NSMCE4A: variants seen among roughly 807,000 people sequenced by gnomAD.
NSMCE4A encodes the protein NSE4A component of SMC5/6 complex, also known as non-structural maintenance of chromosomes element 4 homolog A.
NSMCE4A carries 40 observed loss-of-function variants against 47.9 expected under a neutral mutation model. The observed-to-expected ratio is 0.83, with a 90% CI of 0.65 to 1.09. The LOEUF is 1.09. Among genes scored for constraint, NSMCE4A ranks in the 50% least tolerant of loss-of-function variants. NSMCE4A has a pLI of 0.00. For missense variants in NSMCE4A, 500 were observed against 507.0 expected (o/e 0.99, Z 0.13); for synonymous variants, 166 against 178.5 (o/e 0.93, Z 0.56).
In NSMCE4A at chr10:121,965,339, C is replaced by A. The variant is rs747294176; in HGVS notation, c.700G>T (p.Asp234Tyr). The A allele has an allele frequency of 1.2e-6, 2 of 1,613,888 alleles. No individual in the cohort carries two copies. The highest frequency in any genetic ancestry group is 1.7e-6 in the Non-Finnish European group (2 of 1,179,934). The change falls in exon 5 of 11, where the codon GAT becomes TAT. Residue 234 changes from aspartate (D) to tyrosine (Y), a missense_variant. Physicochemically the swap from Asp to Tyr is radical, Grantham distance 160. Coordinates refer to ENST00000369023, the MANE Select transcript of NSMCE4A (RefSeq NM_017615.3). ...GECPVPKPRV[D>Y]RPRKVPVIQE... ...ATCACAGGAACTTTTCTTGGACGAT[C>A]AACTCGTGGCTTTGGCACAGGGCAC... is the stretch of plus-strand genomic sequence containing the variant.
intron 5 of NSMCE4A, among the ~76,000 whole-genome samples, chr10:121,964,791 T>G (rs561390300): frequency 6.2e-4 from 95 of 152,340 alleles, no homozygotes; most frequent in Non-Finnish European, 1.1e-3. Context: ...ATTACCAGAT[T>G]AACCATTTTC....
chr10:121,958,638 T>C (rs12248806), intron 10 of NSMCE4A, among the ~76,000 whole-genome samples: 20,232 of 152,146 alleles, frequency 0.13, 1,568 homozygotes, highest in Middle Eastern at 0.18. Context: ...CAGCTGGGTA[T>C]GGTGACTCAT....
intron 2 of NSMCE4A, among the ~76,000 whole-genome samples, chr10:121,973,498 A>T (rs957370630): frequency 1.3e-5 from 2 of 150,966 alleles, no homozygotes; most frequent in African/African-American, 2.4e-5. Context: ...GATCTCTCTC[A>T]CTCACTCACT....
At chr10:121,970,254 C>T (rs1423970118) in intron 3 of NSMCE4A, among the ~76,000 whole-genome samples, 2 of 151,658 alleles carry the variant, frequency 1.3e-5, no homozygotes, top group Non-Finnish European at 2.9e-5. Flanking sequence ...GGGCAGATCA[C>T]GAGATCAGGA....
intron 5 of NSMCE4A, 144 bp downstream of exon 5, chr10:121,965,142 G>A: frequency 1.6e-6 from 1 of 610,920 alleles, no homozygotes; most frequent in Non-Finnish European, 2.9e-6. Context: ...AATGCTTAAA[G>A]GCTTAAATAA....
At chr10:121,974,561 G>A (rs1371193690) in intron 1 of NSMCE4A, 5 of 1,021,188 alleles carry the variant, frequency 4.9e-6, no homozygotes, top group Non-Finnish European at 1.2e-6. Flanking sequence ...CGCAATCAAA[G>A]CACGCGGAGT....
At chr10:121,974,623 C>T (rs966227671) in intron 1 of NSMCE4A, 90 of 1,063,200 alleles carry the variant, frequency 8.5e-5, no homozygotes, top group South Asian at 1.4e-4. Flanking sequence ...AGTCCGCGAA[C>T]GGCTCTGGCC....
Position 121,963,223 on chromosome 10 carries a change from TG to T in NSMCE4A, c.844+14del. 6.6e-7 allele frequency: 1 copy of T among 1,520,674 alleles called. No homozygotes were observed. The highest frequency in any genetic ancestry group is 9.1e-7 in the Non-Finnish European group (1 of 1,097,316). 94.2% of individuals were successfully genotyped at this position (1,520,674 alleles called of 1,614,324 possible). A position where few individuals can be genotyped will look rare whatever the true frequency, so the allele number is the denominator to read the frequency against. ...TAAATACAAATTGCTCCACTTTGAATGGTGTTACACTTACGATCTTCTCGAA... is the reference window on the plus strand; with the variant it reads ...TAAATACAAATTGCTCCACTTTGAATGTGTTACACTTACGATCTTCTCGAA... On this transcript the variant is annotated intron_variant, in intron 6 of 10. Coordinates refer to ENST00000369023, the MANE Select transcript of NSMCE4A (RefSeq NM_017615.3).
intron 1 of NSMCE4A, chr10:121,974,301 C>G: frequency 1.5e-6 from 2 of 1,360,628 alleles, no homozygotes; most frequent in South Asian, 3.5e-5. Flanking sequence ...CTAGCTCCCT[C>G]TAACCTTAAC....
intron 2 of NSMCE4A, among the ~76,000 whole-genome samples, chr10:121,973,037 G>C (rs1019188645): frequency 6.6e-6 from 1 of 152,134 alleles, no homozygotes; most frequent in African/African-American, 2.4e-5. Flanking sequence ...AGGAGTTCGA[G>C]ACCAGCCTGG....
In NSMCE4A at chr10:121,960,413, C is replaced by T. The variant is rs41287994; in HGVS notation, c.940-7G>A. On this transcript the variant is annotated splice_region_variant and splice_polypyrimidine_tract_variant and intron_variant, in intron 7 of 10. Coordinates refer to ENST00000369023, the MANE Select transcript of NSMCE4A (RefSeq NM_017615.3). This position sits in a 1 kb window ranked among gnomAD's most constrained non-coding sequence, Gnocchi z 4.2. ...TTATTCTTGCAAAACCATCCTAAAA[C>T]GAAAACATGATTTTAGGAGAAGACA... 128,742 of 1,501,202 alleles carry T rather than the reference C, an allele frequency of 0.086. 7,078 individuals are homozygous for T. Among genetic ancestry groups the T allele is most frequent in the East Asian group, 0.3 (10,930 of 36,906 alleles). The allele number at this position is 1,501,202 out of a possible 1,614,324, so 93.0% of individuals were successfully genotyped here.
At chr10:121,970,020 T>A (rs951896975) in intron 3 of NSMCE4A, among the ~76,000 whole-genome samples, 2 of 151,950 alleles carry the variant, frequency 1.3e-5, no homozygotes, top group African/African-American at 2.4e-5. Context: ...CCAGCCAGAA[T>A]AGAATTTTTT....
At chr10:121,974,329 G>A (rs113303128) in intron 1 of NSMCE4A, 37 of 1,296,610 alleles carry the variant, frequency 2.9e-5, no homozygotes, top group Admixed American at 9.8e-5. Context: ...GCTGGACTCC[G>A]GCTGCAGCCT....
At chr10:121,966,173 G>A (rs1038259698) in intron 4 of NSMCE4A, 1 of 152,176 alleles carries the variant, frequency 6.6e-6, no homozygotes, top group Non-Finnish European at 1.5e-5. Flanking sequence ...GAGAACACTT[G>A]GGCAGAGATA....
At chr10:121,962,654 C>G (rs1020136326) in intron 6 of NSMCE4A, among the ~76,000 whole-genome samples, 14 of 151,606 alleles carry the variant, frequency 9.2e-5, no homozygotes, top group Non-Finnish European at 2.1e-4. Context: ...CTCTTGTTGC[C>G]CAGGCTAGAG....
chr10:121,961,250 A>C (rs1952492135), intron 7 of NSMCE4A, among the ~76,000 whole-genome samples, 173 bp downstream of exon 7: 1 of 152,208 alleles, frequency 6.6e-6, no homozygotes, highest in Non-Finnish European at 1.5e-5. Context: ...AGCATATAAA[A>C]TTTTAGCTAG....
chr10:121,959,574 T>C lies in NSMCE4A; in HGVS notation c.1010A>G (p.Glu337Gly). The C allele has an allele frequency of 6.2e-7, 1 of 1,613,868 alleles. No homozygotes were observed. Among genetic ancestry groups the C allele is most frequent in the African/African-American group, 1.3e-5 (1 of 75,064 alleles). The change falls in exon 9 of 11, where the codon GAA (glutamate) becomes GGA (glycine). Residue 337 changes from glutamate (E) to glycine (G), a missense_variant. By Grantham distance (98) the Glu-to-Gly change is moderately conservative (BLOSUM62 -2). Transcript: ENST00000369023. ...PVIEPVSINE[E>G]NEGFEHNTQV... Reference sequence around the variant, plus strand: ...TGTGTTATGTTCAAATCCCTCATTTTCTTCATTAATACTAACAGGCTCTGT... The same window carrying C: ...TGTGTTATGTTCAAATCCCTCATTTCCTTCATTAATACTAACAGGCTCTGT...
At chr10:121,962,954 T>C (rs1163185529) in intron 6 of NSMCE4A, among the ~76,000 whole-genome samples, 1 of 152,162 alleles carries the variant, frequency 6.6e-6, no homozygotes, top group Non-Finnish European at 1.5e-5. Context: ...AATATACACA[T>C]TACATTTTAT....
intron 10 of NSMCE4A, among the ~76,000 whole-genome samples, chr10:121,958,680 A>G (rs1005834162): frequency 6.6e-6 from 1 of 152,190 alleles, no homozygotes; most frequent in African/African-American, 2.4e-5. Context: ...GGAAGCTGAG[A>G]TGGGAGCATC....
Sources: allele counts gnomAD v4.1 joint callset (sites outside exome capture counted in the v4.1 genomes callset), GRCh38; gene constraint gnomAD v4.1.1; non-coding constraint Gnocchi (gnomAD v3.1); transcripts MANE v1.5; gene names NCBI Gene and HGNC (gene_info 2026-07-23, HGNC 2026-07-21).